Variants in METTL4 observed in about 807,000 individuals in gnomAD.
METTL4 encodes the protein methyltransferase 4, N6-adenosine.
In METTL4, 40 loss-of-function variants were observed where a neutral mutation model predicts 54.0. The observed-to-expected ratio is 0.74, with a 90% CI of 0.58 to 0.96. METTL4 has a LOEUF of 0.96. Ranked by LOEUF, METTL4 falls within the 50% of genes least tolerant of loss-of-function variation. The pLI is 0.00. For missense variants in METTL4, 525 were observed against 549.0 expected (o/e 0.96, Z 0.44); for synonymous variants, 169 against 183.8 (o/e 0.92, Z 0.65).
In METTL4 at chr18:2,542,259, G is replaced by A. The variant is rs531036465; in HGVS notation, c.1273+1936C>T. 3.0e-4 allele frequency among the ~76,000 whole-genome samples: 46 copies of A among 151,698 alleles called. No homozygotes were observed. The South Asian group carries it at 8.6e-3, about 28-fold the overall frequency. On this transcript the variant is annotated intron_variant, in intron 8 of 8. Transcript: ENST00000574538. ...TTAGGGTACATGTGCACATTGTGCA[G>A]GTTAGTTACATATGTATACATGTGC... is the stretch of plus-strand genomic sequence containing the variant.
chr18:2,566,118 A>T (rs2072414752), intron 2 of METTL4, among the ~76,000 whole-genome samples: 1 of 151,408 alleles, frequency 6.6e-6, no homozygotes, highest in South Asian at 2.1e-4. Flanking sequence ...AAAAATAAGT[A>T]AAAAAGACAA....
At chr18:2,564,318 G>A (rs1358346551) in intron 2 of METTL4, among the ~76,000 whole-genome samples, 8 of 151,758 alleles carry the variant, frequency 5.3e-5, no homozygotes, top group African/African-American at 1.2e-4. Flanking sequence ...GGCTGAGGCA[G>A]GAGAATGGTG....
chr18:2,550,202 T>C (rs1350108933), intron 5 of METTL4, among the ~76,000 whole-genome samples: 1 of 152,134 alleles, frequency 6.6e-6, no homozygotes, highest in Non-Finnish European at 1.5e-5. Flanking sequence ...AACTGCAGAT[T>C]CCTTGATTGC....
chr18:2,552,173 C>T (rs1050369155), intron 5 of METTL4, among the ~76,000 whole-genome samples: 5 of 144,930 alleles, frequency 3.4e-5, no homozygotes, highest in Non-Finnish European at 7.5e-5. Context: ...AGCCTGGTAA[C>T]GGAGTGAGAC....
chr18:2,563,080 T>A (rs1355900453), intron 3 of METTL4, among the ~76,000 whole-genome samples: 1 of 152,148 alleles, frequency 6.6e-6, no homozygotes, highest in East Asian at 1.9e-4. Flanking sequence ...GTTCATTCTG[T>A]TTCTTCTCAT....
chr18:2,563,579 CA>C (rs1339124142), intron 3 of METTL4, among the ~76,000 whole-genome samples: 1 of 93,868 alleles, frequency 1.1e-5, no homozygotes, highest in Non-Finnish European at 1.9e-5. Flanking sequence ...CCAGCCTGGG[CA>C]ACAGAATGAG....
chr18:2,537,582 T>C lies in METTL4; in HGVS notation c.*1418A>G, dbSNP rs906418831. 14 of 282,140 alleles carry C rather than the reference T, an allele frequency of 5.0e-5. No homozygotes were observed. In the East Asian group the frequency reaches 7.0e-4, roughly 14 times the overall value. The allele number at this position is 282,140 out of a possible 1,614,324, so 17.5% of individuals were successfully genotyped here. The stretch of plus-strand genomic sequence containing the variant: ...ACCTTTTTCCTTTTAAATAACAAGT[T>C]AGAATAGCTCCATAAATACAAAATT... On this transcript the variant is annotated 3_prime_UTR_variant, in exon 9 of 9. Coordinates refer to ENST00000574538, the MANE Select transcript of METTL4 (RefSeq NM_022840.5).
At position 2,537,760 on chromosome 18, in the gene METTL4, G is replaced by A. The variant is rs1173074494; in HGVS notation, c.*1240C>T. ...GTGGATAAATATTTGTCAACAATCT[G>A]TAAATAGTATAAATGCTTTTCTCAA... On this transcript the variant is annotated 3_prime_UTR_variant, in exon 9 of 9. Coordinates refer to ENST00000574538, the MANE Select transcript of METTL4 (RefSeq NM_022840.5). The A allele has an allele frequency of 2.0e-5, 8 of 397,314 alleles. No individual in the cohort carries two copies. Among genetic ancestry groups the A allele is most frequent in the Non-Finnish European group, 3.1e-5 (7 of 225,530 alleles). The allele number at this position is 397,314 out of a possible 1,614,324, so 24.6% of individuals were successfully genotyped here. A position where few individuals can be genotyped will look rare whatever the true frequency, so the allele number is the denominator to read the frequency against.
chr18:2,549,124 C>G (rs2072114716), intron 5 of METTL4, among the ~76,000 whole-genome samples: 1 of 152,276 alleles, frequency 6.6e-6, no homozygotes, highest in Non-Finnish European at 1.5e-5. Flanking sequence ...CCTCAACTAC[C>G]CAACCCTAAC....
intron 5 of METTL4, among the ~76,000 whole-genome samples, chr18:2,550,825 A>G (rs184653821): frequency 1.3e-5 from 2 of 152,372 alleles, no homozygotes; most frequent in Non-Finnish European, 2.9e-5. Flanking sequence ...TGGGACAATC[A>G]GTGTAGCCTG....
rs1388785828 is a variant in METTL4 at position 2,561,052 on chromosome 18, AT to A, written c.459+2744del. 3.3e-5 allele frequency: 5 copies of A among 152,228 alleles called. No homozygotes were observed. In the East Asian group the frequency reaches 9.7e-4, roughly 29 times the overall value. 9.4% of individuals were successfully genotyped at this position (152,228 alleles called of 1,614,324 possible). On this transcript the variant is annotated intron_variant, in intron 3 of 8. Coordinates refer to ENST00000574538, the MANE Select transcript of METTL4 (RefSeq NM_022840.5). ...AAAATTTTTAAAAAAGAAAAAAAAA[AT>A]CTGTTCAATCTCCATATATGCCTAA...
Position 2,544,181 on chromosome 18 carries a change from T to C in METTL4, c.1273+14A>G. The C allele has an allele frequency of 6.3e-7, 1 of 1,578,380 alleles. No homozygotes were observed. On this transcript the variant is annotated intron_variant, in intron 8 of 8. Coordinates refer to ENST00000574538, the MANE Select transcript of METTL4 (RefSeq NM_022840.5). ...TGACAAAAGTGATAACAATTCTATT[T>C]TATAAAAACATACCAGCAAGCGGTG...
In METTL4 at chr18:2,550,976, A is replaced by AAG. The variant is rs1330983456; in HGVS notation, c.899+1718_899+1719insCT. Among the ~76,000 whole-genome samples the AAG allele has an allele frequency of 3.4e-3, 512 of 151,890 alleles. 3 individuals carry two copies. The highest frequency in any genetic ancestry group is 0.012 in the African/African-American group (487 of 41,430). On this transcript the variant is annotated intron_variant, in intron 5 of 8. Transcript: ENST00000574538. The stretch of plus-strand genomic sequence containing the variant: ...TCAGGAGATCGAGACCATCCTGGCT[A>AAG]ACATGGTGAAACCCCGTCTCTACTA...
Position 2,563,868 on chromosome 18 carries a change from T to C in METTL4, c.397-9A>G, listed in dbSNP as rs1355974440. 3.7e-6 allele frequency: 6 copies of C among 1,600,330 alleles called. No homozygotes were observed. The highest frequency in any genetic ancestry group is 3.4e-5 in the Admixed American group (2 of 57,974). ...ACACATCTTTTACGCTTCTAAAGGG[T>C]AGATCAATTACAGGGGAAAAGTTAT... On this transcript the variant is annotated splice_polypyrimidine_tract_variant and intron_variant, in intron 2 of 8. Coordinates refer to ENST00000574538, the MANE Select transcript of METTL4 (RefSeq NM_022840.5).
At chr18:2,545,194 TATC>T (rs2072053539) in intron 6 of METTL4, among the ~76,000 whole-genome samples, 1 of 152,044 alleles carries the variant, frequency 6.6e-6, no homozygotes, top group Admixed American at 6.6e-5. Flanking sequence ...TTTTATTAAA[TATC>T]ATATAAATAT....
chr18:2,546,489 A>G (rs1406799418), intron 6 of METTL4, among the ~76,000 whole-genome samples: 5 of 152,134 alleles, frequency 3.3e-5, no homozygotes, highest in African/African-American at 9.7e-5. Context: ...CCCCAAGGAT[A>G]AGGAGAACTA....
chr18:2,554,781 T>C lies in METTL4; in HGVS notation c.717A>G (p.Glu239=). ...TEQDLFLRVV[E]NNSSFTKVIT... ...TCACTTTTGTAAAGCTAGAGTTGTT[T>C]TCAACAACTCGCAAAAATAAATCCT... Residue 239 remains glutamate (E), a synonymous_variant, in exon 4 of 9, where the codon GAA becomes GAG. Coordinates refer to ENST00000574538, the MANE Select transcript of METTL4 (RefSeq NM_022840.5). The C allele has an allele frequency of 3.1e-6, 5 of 1,613,792 alleles. No homozygotes were observed. Among genetic ancestry groups the C allele is most frequent in the African/African-American group, 1.3e-5 (1 of 75,026 alleles).
At chr18:2,544,169 A>G in intron 8 of METTL4, 26 bp downstream of exon 8, 1 of 1,551,422 alleles carries the variant, frequency 6.4e-7, no homozygotes, top group Middle Eastern at 1.7e-4. Flanking sequence ...CAAAAGTGAT[A>G]ACAATTCTAT....
At chr18:2,568,166 G>T (rs2251971) in intron 1 of METTL4, among the ~76,000 whole-genome samples, 145,792 of 152,304 alleles carry the variant, frequency 0.96, 70,100 homozygotes, top group East Asian at 1. Context: ...CCATGAGTGA[G>T]ATTATGATGT....
Sources: allele counts gnomAD v4.1 joint callset (sites outside exome capture counted in the v4.1 genomes callset), GRCh38; gene constraint gnomAD v4.1.1; transcripts MANE v1.5; gene names NCBI Gene and HGNC (gene_info 2026-07-23, HGNC 2026-07-21).